PEAK1: variants seen among roughly 807,000 people sequenced by gnomAD.
PEAK1 encodes inactive tyrosine-protein kinase PEAK1.
In PEAK1, 54 loss-of-function variants were observed where a neutral mutation model predicts 124.7. The ratio of observed to expected loss-of-function variants is 0.43; its 90% CI spans 0.35 to 0.54. The LOEUF (loss-of-function observed/expected upper bound fraction) is 0.54, where lower values mean the gene tolerates loss of function less well. Among genes scored for constraint, PEAK1 ranks in the 20% least tolerant of loss-of-function variants. The probability of loss-of-function intolerance (pLI) is 0.01; values close to 1 mark genes in which losing one functional copy is unlikely to be tolerated. For synonymous variants in PEAK1, 719 were observed against 760.0 expected (o/e 0.95, Z 0.89); for missense variants, 2,046 against 2,134.5 (o/e 0.96, Z 0.82).
intron 6 of PEAK1, among the ~76,000 whole-genome samples, chr15:77,217,875 T>C (rs1339150973): frequency 6.6e-6 from 1 of 152,210 alleles, no homozygotes; most frequent in Non-Finnish European, 1.5e-5. Flanking sequence ...AGTTTGTTTT[T>C]TGATGCTACT....
rs567275327 is a variant in PEAK1 at position 77,129,818 on chromosome 15, C to T, written c.4077+3187G>A. 1.8e-4 allele frequency among the ~76,000 whole-genome samples: 28 copies of T among 152,144 alleles called. 1 individual carries two copies. In the South Asian group the frequency reaches 5.4e-3, roughly 29 times the overall value. Reference sequence around the variant, plus strand: ...TTAAGAGACAGTTACACCCTTTAGACTATTATAAATTCCCTTAGTATGGGA... The same window carrying T: ...TTAAGAGACAGTTACACCCTTTAGATTATTATAAATTCCCTTAGTATGGGA... On this transcript the variant is annotated intron_variant, in intron 9 of 9. Coordinates refer to ENST00000682557, the MANE Select transcript of PEAK1 (RefSeq NM_001385026.1).
intron 5 of PEAK1, among the ~76,000 whole-genome samples, chr15:77,253,245 T>C (rs2864083): frequency 5.4e-5 from 7 of 129,860 alleles, no homozygotes; most frequent in Admixed American, 7.9e-5. Context: ...TGGTATGCGT[T>C]GGGGGGGGGG....
intron 5 of PEAK1, among the ~76,000 whole-genome samples, chr15:77,258,920 G>A (rs893467611): frequency 1.6e-4 from 24 of 152,118 alleles, no homozygotes; most frequent in African/African-American, 5.6e-4. Flanking sequence ...AATTTATTGA[G>A]AGTTTTTAGC....
chr15:77,244,771 T>C (rs978286199), intron 6 of PEAK1, among the ~76,000 whole-genome samples: 1 of 151,944 alleles, frequency 6.6e-6, no homozygotes, highest in Non-Finnish European at 1.5e-5. Flanking sequence ...GTATTTTTAG[T>C]AGAGATGGGG....
chr15:77,298,760 T>C (rs2063640139), intron 2 of PEAK1, among the ~76,000 whole-genome samples: 2 of 152,296 alleles, frequency 1.3e-5, no homozygotes, highest in South Asian at 4.1e-4. Context: ...CTTTTCCTCA[T>C]CTCTGGCAGG....
chr15:77,141,503 G>T (rs1010348218), intron 8 of PEAK1, among the ~76,000 whole-genome samples: 11 of 152,148 alleles, frequency 7.2e-5, no homozygotes, highest in Admixed American at 2.0e-4. Flanking sequence ...CAAAATTCCA[G>T]TTAGACTTCT....
At chr15:77,175,209 A>G (rs1230152530) in intron 7 of PEAK1, among the ~76,000 whole-genome samples, 3 of 152,138 alleles carry the variant, frequency 2.0e-5, no homozygotes, top group East Asian at 3.9e-4. Context: ...CTTCATGTCT[A>G]AAACACCAAA....
At chr15:77,237,715 TA>T (rs1287587397) in intron 6 of PEAK1, among the ~76,000 whole-genome samples, 13 of 152,224 alleles carry the variant, frequency 8.5e-5, no homozygotes, top group African/African-American at 2.9e-4. Context: ...TTTATCACAT[TA>T]AAAAAATTAT....
At chr15:77,351,523 A>G (rs1341862678) in intron 2 of PEAK1, among the ~76,000 whole-genome samples, 1 of 152,208 alleles carries the variant, frequency 6.6e-6, no homozygotes, top group Non-Finnish European at 1.5e-5. Context: ...CTTCATTTAC[A>G]TAGGGCGTAC....
chr15:77,214,292 A>G (rs1051796611), intron 6 of PEAK1, among the ~76,000 whole-genome samples: 2 of 152,008 alleles, frequency 1.3e-5, no homozygotes, highest in Admixed American at 6.6e-5. Flanking sequence ...ACCTCTATAA[A>G]GACATACCCA....
At chr15:77,344,267 T>C (rs748696654) in intron 2 of PEAK1, among the ~76,000 whole-genome samples, 16 of 152,178 alleles carry the variant, frequency 1.1e-4, no homozygotes, top group Non-Finnish European at 2.2e-4. Context: ...GCTAATTTTT[T>C]GTATTTTTAG....
chr15:77,359,343 G>A (rs1353355656), intron 2 of PEAK1, among the ~76,000 whole-genome samples: 1 of 151,932 alleles, frequency 6.6e-6, no homozygotes, highest in Non-Finnish European at 1.5e-5. Context: ...GAGGGGCAGA[G>A]GCAGGAGGAT....
intron 2 of PEAK1, chr15:77,338,090 A>G: frequency 5.1e-6 from 5 of 983,978 alleles, no homozygotes; most frequent in Non-Finnish European, 6.0e-6. Flanking sequence ...CTGTATACCA[A>G]TGAAAGGGTA....
At chr15:77,131,429 G>A (rs1366592662) in intron 9 of PEAK1, among the ~76,000 whole-genome samples, 1 of 152,156 alleles carries the variant, frequency 6.6e-6, no homozygotes, top group Non-Finnish European at 1.5e-5. Context: ...GGAGGCAGAG[G>A]TTGCTGTGAG....
At chr15:77,401,076 T>C (rs1597612182) in intron 1 of PEAK1, among the ~76,000 whole-genome samples, 1 of 152,164 alleles carries the variant, frequency 6.6e-6, no homozygotes, top group Non-Finnish European at 1.5e-5. Context: ...GGCATAAATT[T>C]AGAAATCTTA....
intron 5 of PEAK1, among the ~76,000 whole-genome samples, chr15:77,262,214 T>C (rs545912519): frequency 6.6e-6 from 1 of 152,156 alleles, no homozygotes; most frequent in Non-Finnish European, 1.5e-5. Context: ...ACGAGCAAAA[T>C]AACCAGCTAA....
intron 2 of PEAK1, chr15:77,336,043 G>A: frequency 1.0e-6 from 1 of 985,352 alleles, no homozygotes; most frequent in Non-Finnish European, 1.2e-6. Flanking sequence ...ATTTTTGAAG[G>A]TAAGATAACA....
intron 6 of PEAK1, among the ~76,000 whole-genome samples, chr15:77,238,222 A>C (rs1275288920): frequency 6.6e-6 from 1 of 152,142 alleles, no homozygotes; most frequent in African/African-American, 2.4e-5. Flanking sequence ...TTAAGTACAA[A>C]ATTATTTTCC....
intron 2 of PEAK1, chr15:77,334,485 T>G (rs559613587): frequency 2.0e-6 from 2 of 985,374 alleles, no homozygotes; most frequent in East Asian, 2.3e-4. Flanking sequence ...GTCAGATTTA[T>G]TCAGCATCTC....
Sources: gnomAD v4.1 joint callset for allele counts (sites outside exome capture counted in the v4.1 genomes callset) on GRCh38, gnomAD v4.1.1 for gene constraint, MANE v1.5 for transcripts, NCBI Gene and HGNC (gene_info 2026-07-23, HGNC 2026-07-21) for gene names.